Variants in CEP164 observed in about 807,000 individuals in gnomAD.
The protein encoded by CEP164 is centrosomal protein 164.
In CEP164, 162 loss-of-function variants were observed where a neutral mutation model predicts 182.7. The ratio of observed to expected loss-of-function variants is 0.89; its 90% confidence interval spans 0.78 to 1.01. The LOEUF (loss-of-function observed/expected upper bound fraction) is 1.01, where lower values mean the gene tolerates loss of function less well. Ranked by LOEUF, CEP164 falls within the 50% of genes least tolerant of loss-of-function variation. The pLI is 0.00. For synonymous variants in CEP164, 661 were observed against 690.0 expected, an observed-to-expected ratio of 0.96 and a Z score of 0.66; for missense variants, 1,735 against 1,790.4, an observed-to-expected ratio of 0.97 and a Z score of 0.56.
intron 30 of CEP164, chr11:117,410,200 A>G (rs2047190586): frequency 1.6e-6 from 1 of 634,828 alleles, no homozygotes; most frequent in Non-Finnish European, 2.9e-6. Context: ...ATGGGTTGGG[A>G]CGGTTTAGAT....
rs538170911 is a variant in CEP164, at chr11:117,362,043, C to T, written c.552+50C>T. The T allele has an allele frequency of 6.2e-5, 93 of 1,489,756 alleles. No individual in the cohort carries two copies. In the South Asian group the frequency reaches 1.0e-3, roughly 16 times the overall value. The allele number at this position is 1,489,756 out of a possible 1,614,324, so 92.3% of individuals were successfully genotyped here. ...TGTCTGTAGTTCCTGTGGGGCCTCC[C>T]GTGTGCCATACCAGGAACTATGGCC... On this transcript the variant is annotated intron_variant, in intron 6 of 32. Transcript: ENST00000278935.
At chr11:117,377,345 C>A (rs1029732960) in intron 11 of CEP164, among the ~76,000 whole-genome samples, 1 of 152,206 alleles carries the variant, frequency 6.6e-6, no homozygotes, top group African/African-American at 2.4e-5. Flanking sequence ...TGTTTGCTTG[C>A]CTGCCCACTG....
rs1303484871 is a variant in CEP164, at chr11:117,394,748, G to A, written c.2761-172G>A. Among the ~76,000 whole-genome samples, 1 of 152,214 alleles carries A rather than the reference G, an allele frequency of 6.6e-6. No homozygotes were observed. Among genetic ancestry groups the A allele is most frequent in the Non-Finnish European group, 1.5e-5 (1 of 68,030 alleles). ...ACCTTTGCGTCTCCTTGCCCCAGCAGGAAGTAAACAAGGTGTGGAGCCTTC... is the reference window on the plus strand; with the variant it reads ...ACCTTTGCGTCTCCTTGCCCCAGCAAGAAGTAAACAAGGTGTGGAGCCTTC... On this transcript the variant is annotated intron_variant, in intron 21 of 32. Coordinates refer to ENST00000278935, the MANE Select transcript of CEP164 (RefSeq NM_014956.5). The surrounding 1 kb of genome is among the most constrained non-coding windows in gnomAD (Gnocchi z 4.0).
At chr11:117,357,013 A>G (rs968219884) in intron 5 of CEP164, among the ~76,000 whole-genome samples, 3 of 152,200 alleles carry the variant, frequency 2.0e-5, no homozygotes, top group African/African-American at 7.2e-5. Flanking sequence ...GGTCCTTCCT[A>G]TTTGGAAATA....
intron 5 of CEP164, chr11:117,356,359 G>A (rs2040293391): frequency 8.6e-7 from 1 of 1,169,030 alleles, no homozygotes; most frequent in Non-Finnish European, 1.1e-6. Flanking sequence ...TCTGTTGCAT[G>A]GCAGCTGAGT....
At chr11:117,352,063 T>A in intron 5 of CEP164, 75 bp downstream of exon 5, 1 of 1,273,324 alleles carries the variant, frequency 7.9e-7, no homozygotes, top group African/African-American at 1.5e-5. Flanking sequence ...TCTAGGTGTC[T>A]GCAGCTGGGA....
intron 2 of CEP164, among the ~76,000 whole-genome samples, chr11:117,338,284 G>C (rs901842643): frequency 2.6e-5 from 4 of 152,132 alleles, no homozygotes; most frequent in Non-Finnish European, 5.9e-5. Context: ...CTTCTATCTG[G>C]GGGAGGCACA....
chr11:117,364,605 C>T (rs1434961760), intron 8 of CEP164, among the ~76,000 whole-genome samples: 1 of 151,420 alleles, frequency 6.6e-6, no homozygotes, highest in Non-Finnish European at 1.5e-5. Context: ...ACTCTGTTGC[C>T]CAGGCTGGAG....
At chr11:117,359,103 C>A (rs1037820582) in intron 5 of CEP164, among the ~76,000 whole-genome samples, 2 of 152,202 alleles carry the variant, frequency 1.3e-5, no homozygotes, top group African/African-American at 4.8e-5. Context: ...TGCCACCATG[C>A]CCGGCTAATT....
upstream of CEP164, among the ~76,000 whole-genome samples, chr11:117,325,172 C>G (rs2035384029): frequency 6.6e-6 from 1 of 152,128 alleles, no homozygotes; most frequent in African/African-American, 2.4e-5. Context: ...GCAACCCCTG[C>G]CTCTCGGGTT....
intron 27 of CEP164, among the ~76,000 whole-genome samples, chr11:117,405,419 C>A (rs972565265): frequency 2.6e-5 from 4 of 152,096 alleles, no homozygotes; most frequent in African/African-American, 9.7e-5. Context: ...GTTCCCTGAC[C>A]CCTTGTGCTT....
chr11:117,346,739 C>T (rs761684124), intron 4 of CEP164, among the ~76,000 whole-genome samples: 2 of 151,918 alleles, frequency 1.3e-5, no homozygotes, highest in Non-Finnish European at 2.9e-5. Context: ...TGACATGCAC[C>T]TTTAGTCCCA....
chr11:117,352,017 A>G (rs1232256004), intron 5 of CEP164, 29 bp downstream of exon 5: 3 of 1,543,270 alleles, frequency 1.9e-6, no homozygotes, highest in Admixed American at 2.0e-5. Flanking sequence ...CCTCCCAGAG[A>G]GGCCAGGGCT....
chr11:117,406,001 C>G (rs2046633209), intron 27 of CEP164, among the ~76,000 whole-genome samples: 1 of 152,198 alleles, frequency 6.6e-6, no homozygotes. Flanking sequence ...ATTTTCCTGT[C>G]TTCTTCTGAG....
In CEP164 at chr11:117,409,664, C is replaced by T; in HGVS notation, c.3795C>T (p.Ser1265=). Reference sequence around the variant, plus strand: ...CCTCCCGCAAGATCCACGGGCTTAGCCACTCCCTCCGGCAGATCAGCAGCC... The same window carrying T: ...CCTCCCGCAAGATCCACGGGCTTAGTCACTCCCTCCGGCAGATCAGCAGCC... The part of the protein sequence containing the change: ...SLTSRKIHGL[S]HSLRQISSQL... The change falls in exon 30 of 33, where the codon AGC becomes AGT. Residue 1265 remains serine (S), a synonymous_variant. Coordinates refer to ENST00000278935, the MANE Select transcript of CEP164 (RefSeq NM_014956.5). The surrounding 1 kb of genome is among the most constrained non-coding windows in gnomAD (Gnocchi z 4.4). 3 of 1,613,804 alleles carry T rather than the reference C, an allele frequency of 1.9e-6. No individual in the cohort carries two copies. The highest frequency in any genetic ancestry group is 2.5e-6 in the Non-Finnish European group (3 of 1,179,746).
At chr11:117,368,840 T>A (rs903749560) in intron 8 of CEP164, among the ~76,000 whole-genome samples, 2 of 152,190 alleles carry the variant, frequency 1.3e-5, no homozygotes, top group Non-Finnish European at 2.9e-5. Context: ...CCTGGCAGAT[T>A]TATTCCATGC....
Position 117,338,638 on chromosome 11 carries a change from TATG to T in CEP164, c.57_59del (p.Asp19del). ...AGATCAGCTGGTTCTGGAAGAAGAT[TATG>T]ATGAGACCTACATTCCTAGTGAGCA... On this transcript the variant is annotated inframe_deletion, in exon 3 of 33. Coordinates refer to ENST00000278935, the MANE Select transcript of CEP164 (RefSeq NM_014956.5). 6.2e-7 allele frequency: 1 copy of T among 1,614,066 alleles called. No individual in the cohort carries two copies. Among genetic ancestry groups the T allele is most frequent in the African/African-American group, 1.3e-5 (1 of 75,034 alleles).
At chr11:117,372,713 A>C (rs1472850970) in intron 9 of CEP164, among the ~76,000 whole-genome samples, 2 of 152,118 alleles carry the variant, frequency 1.3e-5, no homozygotes, top group African/African-American at 4.8e-5. Context: ...CACTGTGCCC[A>C]GCCTTCCCTT....
intron 1 of CEP164, among the ~76,000 whole-genome samples, chr11:117,330,407 C>T (rs2036017102): frequency 6.6e-6 from 1 of 152,194 alleles, no homozygotes; most frequent in South Asian, 2.1e-4. Flanking sequence ...AATCTCAGCA[C>T]TTTGGGAGGC....
Sources: gnomAD v4.1 joint callset for allele counts (sites outside exome capture counted in the v4.1 genomes callset) on GRCh38, gnomAD v4.1.1 for gene constraint, Gnocchi (gnomAD v3.1) non-coding constraint, MANE v1.5 for transcripts, NCBI Gene and HGNC (gene_info 2026-07-23, HGNC 2026-07-21) for gene names.